The following PLEKHM3 variants were observed in gnomAD, a reference collection of about 807,000 sequenced individuals.
The protein encoded by PLEKHM3 is pleckstrin homology domain-containing family M member 3.
Under a neutral mutation model 81.8 loss-of-function variants are expected in PLEKHM3, and 45 were observed. The ratio of observed to expected loss-of-function variants is 0.55; its 90% CI spans 0.43 to 0.71. The LOEUF is 0.71. Ranked by LOEUF, PLEKHM3 falls within the 30% of genes least tolerant of loss-of-function variation. The pLI, the probability that PLEKHM3 is intolerant of heterozygous loss-of-function variation, is 0.00. For missense variants in PLEKHM3, 788 were observed against 924.3 expected, an observed-to-expected ratio of 0.85 and a Z score of 1.91; for synonymous variants, 352 against 356.4, an observed-to-expected ratio of 0.99 and a Z score of 0.14.
intron 2 of PLEKHM3, among the ~76,000 whole-genome samples, chr2:207,978,452 A>C (rs1435933384): frequency 6.6e-6 from 1 of 152,068 alleles, no homozygotes; most frequent in Non-Finnish European, 1.5e-5. Flanking sequence ...CCCTGCTAAT[A>C]CTTTTATCTT....
intron 5 of PLEKHM3, among the ~76,000 whole-genome samples, chr2:207,914,803 C>G (rs1049575911): frequency 5.3e-5 from 8 of 152,052 alleles, no homozygotes; most frequent in African/African-American, 1.9e-4. Context: ...CTTTGGTAAA[C>G]AGGATCCTTG....
At chr2:208,015,884 T>C (rs1692892236) in intron 1 of PLEKHM3, among the ~76,000 whole-genome samples, 1 of 152,268 alleles carries the variant, frequency 6.6e-6, no homozygotes, top group East Asian at 1.9e-4. Context: ...CATATTTTGA[T>C]GATTAAGGCA....
intron 4 of PLEKHM3, among the ~76,000 whole-genome samples, chr2:207,945,596 G>A (rs1244191212): frequency 6.6e-6 from 1 of 152,032 alleles, no homozygotes. Context: ...GAGTAGGAGC[G>A]CTACTCTACT....
intron 7 of PLEKHM3, among the ~76,000 whole-genome samples, chr2:207,838,501 A>G (rs1330649010): frequency 6.6e-6 from 1 of 152,254 alleles, no homozygotes; most frequent in Non-Finnish European, 1.5e-5. Context: ...TTGCTACCCT[A>G]CTGGGGACAT....
chr2:207,933,836 C>T (rs963251077), intron 4 of PLEKHM3, among the ~76,000 whole-genome samples: 3 of 152,212 alleles, frequency 2.0e-5, no homozygotes, highest in Non-Finnish European at 2.9e-5. Context: ...TGGTGCACAT[C>T]GCTACCGCTG....
At position 207,958,290 on chromosome 2, in the gene PLEKHM3, C is replaced by CTTCACA. The variant is rs1690591086; in HGVS notation, c.1547-11779_1547-11778insTGTGAA. ...CTAGTAACATCTGCTCCAAGCTTGG[C>CTTCACA]TCTTTTCTTCACAAATTAATCTTGG... On this transcript the variant is annotated intron_variant, in intron 3 of 7. Transcript: ENST00000427836. 2.0e-5 allele frequency among the ~76,000 whole-genome samples: 3 copies of CTTCACA among 152,024 alleles called. No homozygotes were observed. The South Asian group carries it at 6.2e-4, about 31-fold the overall frequency.
At chr2:207,831,822 C>G (rs777325302) in intron 7 of PLEKHM3, among the ~76,000 whole-genome samples, 6 of 152,204 alleles carry the variant, frequency 3.9e-5, no homozygotes, top group Non-Finnish European at 7.3e-5. Context: ...GTGGCAATGG[C>G]TTTGTCCCCA....
At chr2:207,893,950 T>C (rs1688143032) in intron 6 of PLEKHM3, among the ~76,000 whole-genome samples, 1 of 152,106 alleles carries the variant, frequency 6.6e-6, no homozygotes, top group African/African-American at 2.4e-5. Flanking sequence ...ACCTTGTCTC[T>C]ACTAAAAATA....
In PLEKHM3 at chr2:208,001,255, G is replaced by C. The variant is rs558916929; in HGVS notation, c.385C>G (p.Arg129Gly). 114 of 1,614,154 alleles carry C rather than the reference G, an allele frequency of 7.1e-5. No individual in the cohort carries two copies. The South Asian group carries it at 1.2e-3, about 17-fold the overall frequency. Residue 129 changes from arginine to glycine, a missense_variant, in exon 2 of 8, where the codon CGG becomes GGG. Arg to Gly is a moderately radical substitution (Grantham distance 125). Transcript: ENST00000427836. Reference protein sequence around the residue: ...FFNICQRRRDRPRSVNDLLDE... With the variant: ...FFNICQRRRDGPRSVNDLLDE... ...AGTAAGTCATTTACAGAACGAGGCC[G>C]GTCCCTCCGACGCTGACAGATATTG...
chr2:207,900,948 A>G (rs1688402133), intron 6 of PLEKHM3: 1 of 321,712 alleles, frequency 3.1e-6, no homozygotes, highest in African/African-American at 2.1e-5. Context: ...AACAACAAAA[A>G]CCCAACAACA....
Position 207,920,653 on chromosome 2 carries a change from A to ATT in PLEKHM3, c.1886+10271_1886+10272dup, listed in dbSNP as rs58599860. ...GTTTGATTTCTAAAGCAGTTTGCCT[A>ATT]TTTTTTTTTTTTTTTTAGTATTACT... is the stretch of plus-strand genomic sequence containing the variant. On this transcript the variant is annotated intron_variant, in intron 5 of 7. Transcript: ENST00000427836. Among the ~76,000 whole-genome samples the ATT allele has an allele frequency of 6.7e-3, 931 of 138,958 alleles. 13 individuals carry two copies. Among genetic ancestry groups the ATT allele is most frequent in the African/African-American group, 0.011 (420 of 37,518 alleles). 91.2% of individuals were successfully genotyped at this position (138,958 alleles called of 152,430 possible).
intron 6 of PLEKHM3, among the ~76,000 whole-genome samples, chr2:207,865,670 C>T (rs1483435518): frequency 6.7e-6 from 1 of 148,316 alleles, no homozygotes; most frequent in African/African-American, 2.5e-5. Flanking sequence ...ATCGCAGCTA[C>T]TCGGGAAGCT....
chr2:207,831,478 G>A (rs2092287620), intron 7 of PLEKHM3, among the ~76,000 whole-genome samples: 1 of 152,214 alleles, frequency 6.6e-6, no homozygotes, highest in South Asian at 2.1e-4. Context: ...ATCCTTTGTA[G>A]CTGAGTGACA....
At chr2:207,839,498 G>A (rs1470234782) in intron 7 of PLEKHM3, among the ~76,000 whole-genome samples, 1 of 152,094 alleles carries the variant, frequency 6.6e-6, no homozygotes, top group African/African-American at 2.4e-5. Context: ...TCTCCTATTT[G>A]TCTCTCTAAG....
chr2:207,961,783 G>T (rs1690743719), intron 3 of PLEKHM3, among the ~76,000 whole-genome samples: 1 of 152,078 alleles, frequency 6.6e-6, no homozygotes, highest in African/African-American at 2.4e-5. Context: ...CACCCAAAAA[G>T]ATATCACCAG....
intron 5 of PLEKHM3, among the ~76,000 whole-genome samples, chr2:207,925,407 C>T (rs1341376829): frequency 1.3e-5 from 2 of 152,138 alleles, no homozygotes; most frequent in Non-Finnish European, 2.9e-5. Context: ...CCCCTGTTCA[C>T]CTCCTGGCTC....
chr2:208,025,081 C>G (rs953635605), intron 1 of PLEKHM3, among the ~76,000 whole-genome samples: 1 of 152,172 alleles, frequency 6.6e-6, no homozygotes, highest in African/African-American at 2.4e-5. Context: ...GTTTTATAAT[C>G]CCCAGGCGGG....
chr2:207,901,052 A>C, intron 6 of PLEKHM3: 6 of 568,836 alleles, frequency 1.1e-5, no homozygotes, highest in East Asian at 5.8e-5. Flanking sequence ...CTGCAGCCTC[A>C]ACCGGTATTG....
rs149341535 is a variant in PLEKHM3, at chr2:207,973,600, G to A, written c.1546+3051C>T. ...ACTAAAAGTACAAAATTAGCCAGGC[G>A]TGGTGGCGCATGCCTGTAATCCCAG... On this transcript the variant is annotated intron_variant, in intron 3 of 7. Coordinates refer to ENST00000427836, the MANE Select transcript of PLEKHM3 (RefSeq NM_001080475.3). 8.1e-3 allele frequency among the ~76,000 whole-genome samples: 1,228 copies of A among 152,192 alleles called. 19 individuals carry two copies. The highest frequency in any genetic ancestry group is 0.028 in the African/African-American group (1,155 of 41,528).
Sources: gnomAD v4.1 joint callset for allele counts (sites outside exome capture counted in the v4.1 genomes callset) on GRCh38, gnomAD v4.1.1 for gene constraint, MANE v1.5 for transcripts, NCBI Gene and HGNC (gene_info 2026-07-23, HGNC 2026-07-21) for gene names.